The following LONP2 variants were observed in gnomAD, a reference collection of about 807,000 sequenced individuals.
The protein encoded by LONP2 is lon peptidase 2, peroxisomal.
In LONP2, 60 loss-of-function variants were observed where a neutral mutation model predicts 85.6. The observed-to-expected ratio is 0.70, with a 90% CI of 0.57 to 0.87. The LOEUF (loss-of-function observed/expected upper bound fraction) is 0.87. LONP2 is among the 40% of genes least tolerant of loss of function. The pLI is 0.00. For synonymous variants in LONP2, 395 were observed against 389.7 expected, an observed-to-expected ratio of 1.01 and a Z score of -0.16; for missense variants, 860 against 1,063.5, an observed-to-expected ratio of 0.81 and a Z score of 2.66.
chr16:48,281,426 A>G (rs1972325429), intron 8 of LONP2, among the ~76,000 whole-genome samples: 1 of 152,178 alleles, frequency 6.6e-6, no homozygotes, highest in Non-Finnish European at 1.5e-5. Flanking sequence ...TAATTAATAA[A>G]TGGTGGTAGG....
intron 1 of LONP2, chr16:48,247,233 A>AC (rs1384681923): frequency 3.1e-4 from 1 of 3,272 alleles, no homozygotes; most frequent in Non-Finnish European, 7.3e-4. Flanking sequence ...AAAAAAAAAA[A>AC]AAAGGCTTTA....
In LONP2 at chr16:48,258,608, A is replaced by G. The variant is rs1382112577; in HGVS notation, c.601-10A>G. The G allele has an allele frequency of 6.3e-7, 1 of 1,587,990 alleles. No individual in the cohort carries two copies. Among genetic ancestry groups the G allele is most frequent in the Non-Finnish European group, 8.5e-7 (1 of 1,171,014 alleles). ...AGAGAGATCCTATTGATTGACTCAC[A>G]TTTCCTTAGATTTTAGATGCTGTGA... On this transcript the variant is annotated splice_polypyrimidine_tract_variant and intron_variant, in intron 3 of 14. Coordinates refer to ENST00000285737, the MANE Select transcript of LONP2 (RefSeq NM_031490.5).
intron 7 of LONP2, among the ~76,000 whole-genome samples, chr16:48,275,370 G>A (rs933169881): frequency 6.6e-6 from 1 of 152,056 alleles, no homozygotes; most frequent in African/African-American, 2.4e-5. Flanking sequence ...GGATCTGGTG[G>A]GGAACAATCT....
At chr16:48,349,312 C>T (rs1654109558) in intron 14 of LONP2, among the ~76,000 whole-genome samples, 1 of 151,834 alleles carries the variant, frequency 6.6e-6, no homozygotes, top group South Asian at 2.1e-4. Flanking sequence ...GCTCTCTTAC[C>T]CAGGTTGGAG....
At chr16:48,293,321 G>A (rs7198331) in intron 8 of LONP2, among the ~76,000 whole-genome samples, 5 of 152,086 alleles carry the variant, frequency 3.3e-5, no homozygotes, top group African/African-American at 7.2e-5. Flanking sequence ...CCAGCTACTC[G>A]GGAGGCTGAG....
chr16:48,271,946 G>A (rs951005702), intron 7 of LONP2, among the ~76,000 whole-genome samples: 14 of 152,288 alleles, frequency 9.2e-5, no homozygotes, highest in African/African-American at 2.9e-4. Flanking sequence ...AAGAAGCTGC[G>A]TCTAGGGCCT....
chr16:48,246,715 T>C (rs56183549), intron 1 of LONP2, among the ~76,000 whole-genome samples: 1,855 of 152,130 alleles, frequency 0.012, 39 homozygotes, highest in African/African-American at 0.042. Flanking sequence ...GCTGGGACTA[T>C]AGGCGTGCAC....
intron 11 of LONP2, among the ~76,000 whole-genome samples, chr16:48,318,597 T>G (rs9938115): frequency 2.6e-3 from 391 of 152,370 alleles, no homozygotes; most frequent in African/African-American, 8.9e-3. Flanking sequence ...TCATTGACTT[T>G]CATTCTCCCA....
intron 12 of LONP2, chr16:48,345,850 G>GC (rs1959946288): frequency 6.6e-6 from 1 of 152,232 alleles, no homozygotes; most frequent in Non-Finnish European, 1.5e-5. Flanking sequence ...TTTGAGACCA[G>GC]CCTGGCCAAC....
At chr16:48,348,935 AGTT>A (rs1326698993) in intron 14 of LONP2, among the ~76,000 whole-genome samples, 1 of 152,200 alleles carries the variant, frequency 6.6e-6, no homozygotes, top group East Asian at 1.9e-4. Flanking sequence ...ATGGGATAGT[AGTT>A]GTTTTTAAGC....
In LONP2 at chr16:48,283,054, C is replaced by T. The variant is rs147648548; in HGVS notation, c.1383+5575C>T. Among the ~76,000 whole-genome samples the T allele has an allele frequency of 2.5e-4, 38 of 152,258 alleles. No individual in the cohort carries two copies. In the East Asian group the frequency reaches 7.1e-3, roughly 29 times the overall value. On this transcript the variant is annotated intron_variant, in intron 8 of 14. Coordinates refer to ENST00000285737, the MANE Select transcript of LONP2 (RefSeq NM_031490.5). ...AAAGATTAAGCCAACTACAACATTC[C>T]CTTAAGCCGAAACCTAGTCCAGAGC...
chr16:48,337,797 A>G (rs1216686451), intron 12 of LONP2, among the ~76,000 whole-genome samples: 2 of 152,308 alleles, frequency 1.3e-5, no homozygotes, highest in East Asian at 1.9e-4. Context: ...CCAAGATGTT[A>G]TAAGATACCT....
chr16:48,306,597 A>G (rs1396315703), intron 11 of LONP2, among the ~76,000 whole-genome samples: 1 of 152,208 alleles, frequency 6.6e-6, no homozygotes, highest in Non-Finnish European at 1.5e-5. Flanking sequence ...AGTCTTTACT[A>G]GAGGCATAGG....
Position 48,252,144 on chromosome 16 carries a change from GCACTGGCCGTTCAGGT to G in LONP2, c.248_263del (p.Ala83ValfsTer14), listed in dbSNP as rs1971666215. On this transcript the variant is annotated frameshift_variant, in exon 2 of 15. Transcript: ENST00000285737. LOFTEE classifies it high-confidence loss of function. ...TGTGTTTTTCAGGATTGGCACAGCT[GCACTGGCCGTTCAGGT>G]TGTGGGCAGTAACTGGCCCAAGCCC... 6.3e-7 allele frequency: 1 copy of G among 1,594,710 alleles called. No individual in the cohort carries two copies. The highest frequency in any genetic ancestry group is 1.3e-5 in the African/African-American group (1 of 74,526).
chr16:48,266,535 C>T (rs1020528927), intron 6 of LONP2, among the ~76,000 whole-genome samples: 2 of 152,100 alleles, frequency 1.3e-5, no homozygotes, highest in Admixed American at 6.6e-5. Context: ...TTCCTCCTTG[C>T]CTCCTAATCC....
intron 11 of LONP2, among the ~76,000 whole-genome samples, chr16:48,303,873 C>A (rs1162266557): frequency 1.3e-5 from 2 of 152,216 alleles, no homozygotes; most frequent in Non-Finnish European, 2.9e-5. Context: ...CCAGAAGATT[C>A]AGCAAGTCTG....
rs1354592255 is a variant in LONP2 at position 48,336,341 on chromosome 16, T to C, written c.1938+1983T>C. On this transcript the variant is annotated intron_variant, in intron 12 of 14. Coordinates refer to ENST00000285737, the MANE Select transcript of LONP2 (RefSeq NM_031490.5). ...TGTGAGCTTTAACATAGTAACACTT[T>C]TACCAACATGAGTCTGCAGAAAGAC... 3 of 456,156 alleles carry C rather than the reference T, an allele frequency of 6.6e-6. No homozygotes were observed. In the East Asian group the frequency reaches 2.1e-4, roughly 32 times the overall value. 28.3% of individuals were successfully genotyped at this position (456,156 alleles called of 1,614,324 possible). A position where few individuals can be genotyped will look rare whatever the true frequency, so the allele number is the denominator to read the frequency against.
chr16:48,244,538 G>A lies in LONP2; in HGVS notation c.150G>A (p.Thr50=), dbSNP rs1031199519. The change falls in exon 1 of 15, where the codon ACG becomes ACA. Residue 50 remains threonine, a synonymous_variant. Transcript: ENST00000285737. ...TGCGGAGCCGCCTTCTGAAGGGCAC[G>A]TCGCTGCAAAGCACCATCCTGGGCG... ...QLVRSRLLKG[T]SLQSTILGVI... is the part of the protein sequence containing the mutation. 5 of 1,567,814 alleles carry A rather than the reference G, an allele frequency of 3.2e-6. No homozygotes were observed. The African/African-American group carries it at 4.1e-5, about 13-fold the overall frequency.
chr16:48,281,868 A>G (rs1393213612), intron 8 of LONP2, among the ~76,000 whole-genome samples: 1 of 152,216 alleles, frequency 6.6e-6, no homozygotes, highest in Non-Finnish European at 1.5e-5. Context: ...TTTGAGCTAT[A>G]CAATTATTGT....
Sources: allele counts gnomAD v4.1 joint callset (sites outside exome capture counted in the v4.1 genomes callset), GRCh38; gene constraint gnomAD v4.1.1; transcripts MANE v1.5; gene names NCBI Gene and HGNC (gene_info 2026-07-23, HGNC 2026-07-21).